GALK1: variants seen among roughly 807,000 people sequenced by gnomAD.
GALK1 encodes galactokinase 1.
In GALK1, 30 loss-of-function variants were observed where a neutral mutation model predicts 38.6. The observed-to-expected ratio is 0.78, with a 90% confidence interval of 0.58 to 1.05. The LOEUF (loss-of-function observed/expected upper bound fraction) is 1.05. GALK1 is among the 50% of genes least tolerant of loss of function. The pLI, the probability that GALK1 is intolerant of heterozygous loss-of-function variation, is 0.00. For synonymous variants in GALK1, 240 were observed against 233.6 expected, an observed-to-expected ratio of 1.03 and a Z score of -0.25; for missense variants, 512 against 540.5, an observed-to-expected ratio of 0.95 and a Z score of 0.52.
rs1342757841 is a variant in GALK1 at position 75,752,578 on chromosome 17, G to A, written c.*23-841C>T. 2 of 1,613,520 alleles carry A rather than the reference G, an allele frequency of 1.2e-6. No individual in the cohort carries two copies. Among genetic ancestry groups the A allele is most frequent in the African/African-American group, 1.3e-5 (1 of 75,062 alleles). ...AGGCCCAGCGTCTCCGATGACACTG[G>A]TGAGTGGAGACCTGGGACCCACAAG... On this transcript the variant is annotated intron_variant, in intron 8 of 8. Coordinates refer to the GALK1 transcript ENST00000225614.
At chr17:75,763,780 G>A in intron 2 of GALK1, 117 bp downstream of exon 2, 1 of 1,051,046 alleles carries the variant, frequency 9.5e-7, no homozygotes, top group Non-Finnish European at 1.4e-6. Context: ...CTGTACAATG[G>A]GATGCTCCAC....
intron 5 of GALK1, 56 bp downstream of exon 5, chr17:75,762,648 A>C: frequency 1.9e-6 from 3 of 1,591,176 alleles, no homozygotes; most frequent in Non-Finnish European, 2.6e-6. Flanking sequence ...GGCCACACTG[A>C]GGCGCCAGCA....
chr17:75,757,631 C>T, downstream of GALK1: 1 of 1,594,430 alleles, frequency 6.3e-7, no homozygotes, highest in Non-Finnish European at 8.6e-7. Context: ...CTCAGCTACT[C>T]CATCCTTGCA....
intron 1 of GALK1, chr17:75,764,334 C>A (rs2061601423): frequency 4.1e-6 from 3 of 738,610 alleles, no homozygotes; most frequent in Non-Finnish European, 7.5e-6. Context: ...AGCTGTGGGG[C>A]AAGGGGGAGA....
downstream of GALK1, among the ~76,000 whole-genome samples, chr17:75,756,156 A>G (rs2061495720): frequency 6.6e-6 from 1 of 152,202 alleles, no homozygotes; most frequent in Non-Finnish European, 1.5e-5. Context: ...TGGGGGAACA[A>G]GGAAGTGGCA....
intron 1 of GALK1, chr17:75,764,589 A>G (rs1177723890): frequency 1.1e-5 from 5 of 451,700 alleles, no homozygotes; most frequent in Non-Finnish European, 2.1e-5. Context: ...GGGCTGGGCC[A>G]GAAGGCTACG....
In GALK1 at chr17:75,765,048, A is replaced by C; in HGVS notation, c.89T>G (p.Leu30Arg). 6.2e-7 allele frequency: 1 copy of C among 1,607,402 alleles called. No individual in the cohort carries two copies. Among genetic ancestry groups the C allele is most frequent in the Non-Finnish European group, 8.5e-7 (1 of 1,177,622 alleles). The change falls in exon 1 of 8, where the codon CTG becomes CGG. Residue 30 changes from leucine to arginine, a missense_variant. Leu to Arg is a moderately radical substitution (Grantham distance 102, BLOSUM62 -2). Transcript: ENST00000588479. ...GACGCGGCCCGGCGCTGACACGGCC[A>C]GCTCGGGCTCGGCCCCGAACTCCTC... ...FREEFGAEPE[L>R]AVSAPGRVNL...
chr17:75,763,293 G>A (rs766494612), intron 3 of GALK1, 27 bp downstream of exon 3: 2 of 1,613,910 alleles, frequency 1.2e-6, no homozygotes, highest in Non-Finnish European at 1.7e-6. Context: ...AAGGAGGGCT[G>A]GGTCAGGGCT....
rs1189643879 is a variant in GALK1, at chr17:75,764,696, G to A, written c.165+276C>T. 3 of 597,280 alleles carry A rather than the reference G, an allele frequency of 5.0e-6. No individual in the cohort carries two copies. In the Admixed American group the frequency reaches 8.4e-5, roughly 17 times the overall value. 37.0% of individuals were successfully genotyped at this position (597,280 alleles called of 1,614,324 possible). ...GGGCCTCACAGTTTAAGGGGAACAT[G>A]CTCCCAGGTTGAAGGCGAGGAGCCC... On this transcript the variant is annotated intron_variant, in intron 1 of 7. Coordinates refer to ENST00000588479, the MANE Select transcript of GALK1 (RefSeq NM_000154.2).
Position 75,758,509 on chromosome 17 carries a change from A to G in GALK1, c.884T>C (p.Leu295Pro). ...IRRTAQAAAA[L>P]RRGDYRAFGR... Reference sequence around the variant, plus strand: ...AAAGGCTCTGTAGTCGCCACGTCTCAGGGCGGCCGCTGCCTGGGCCGTGCG... The same window carrying G: ...AAAGGCTCTGTAGTCGCCACGTCTCGGGGCGGCCGCTGCCTGGGCCGTGCG... Residue 295 changes from leucine to proline, a missense_variant, in exon 6 of 8, where the codon CTG (leucine) becomes CCG (proline). By Grantham distance (98) the Leu-to-Pro change is moderately conservative. Coordinates refer to ENST00000588479, the MANE Select transcript of GALK1 (RefSeq NM_000154.2). 2 of 1,580,442 alleles carry G rather than the reference A, an allele frequency of 1.3e-6. No individual in the cohort carries two copies. The highest frequency in any genetic ancestry group is 1.7e-6 in the Non-Finnish European group (2 of 1,166,780).
intron 1 of GALK1, chr17:75,764,308 C>A: frequency 1.3e-6 from 1 of 752,338 alleles, no homozygotes. Context: ...GGAGCACAGA[C>A]CTGGACTCTG....
Position 75,764,615 on chromosome 17 carries a change from G to T in GALK1, c.165+357C>A, listed in dbSNP as rs1165110204. The T allele has an allele frequency of 6.5e-6, 3 of 464,268 alleles. No homozygotes were observed. The Admixed American group carries it at 9.1e-5, about 14-fold the overall frequency. 28.8% of individuals were successfully genotyped at this position (464,268 alleles called of 1,614,324 possible). ...GAAGGCTACGTTCGCCCAGGTCTGC[G>T]GTTGGGGCCCCACGGTGGCCGGAGG... On this transcript the variant is annotated intron_variant, in intron 1 of 7. Coordinates refer to ENST00000588479, the MANE Select transcript of GALK1 (RefSeq NM_000154.2).
At chr17:75,757,529 A>G (rs1487725912), downstream of GALK1, 2 of 1,613,296 alleles carry the variant, frequency 1.2e-6, no homozygotes, top group African/African-American at 1.3e-5. Flanking sequence ...TAGCACCCAC[A>G]TGGACCAACA....
downstream of GALK1, chr17:75,754,629 C>T (rs2061444655): frequency 3.1e-6 from 5 of 1,613,896 alleles, no homozygotes; most frequent in Non-Finnish European, 4.2e-6. Flanking sequence ...CACCAACTCC[C>T]TGCACAGGAT....
Position 75,762,856 on chromosome 17 carries a change from G to A in GALK1, c.641C>T (p.Ser214Leu), listed in dbSNP as rs369906636. The A allele has an allele frequency of 3.2e-5, 52 of 1,613,444 alleles. No individual in the cohort carries two copies. The highest frequency in any genetic ancestry group is 6.7e-5 in the East Asian group (3 of 44,900). ...GATGAGCACGGCCAGCTTGGGGTCC[G>A]AGAGTGGCACCAGGCTGGTCTCCAA... ...RSLETSLVPL[S>L]DPKLAVLITN... Residue 214 changes from serine (S) to leucine (L), a missense_variant, in exon 5 of 8, where the codon TCG becomes TTG. Coordinates refer to ENST00000588479, the MANE Select transcript of GALK1 (RefSeq NM_000154.2).
Position 75,765,034 on chromosome 17 carries a change from G to A in GALK1, c.103C>T (p.Pro35Ser). The A allele has an allele frequency of 6.2e-7, 1 of 1,609,574 alleles. No homozygotes were observed. The highest frequency in any genetic ancestry group is 8.5e-7 in the Non-Finnish European group (1 of 1,178,446). ...GAEPELAVSA[P>S]GRVNLIGEHT... is the part of the protein sequence containing the mutation. ...TCCCCGATGAGGTTGACGCGGCCCGGCGCTGACACGGCCAGCTCGGGCTCG... is the reference window on the plus strand; with the variant it reads ...TCCCCGATGAGGTTGACGCGGCCCGACGCTGACACGGCCAGCTCGGGCTCG... The change falls in exon 1 of 8, where the codon CCG (proline) becomes TCG (serine). Residue 35 changes from proline (P) to serine (S), a missense_variant. Coordinates refer to ENST00000588479, the MANE Select transcript of GALK1 (RefSeq NM_000154.2).
At position 75,757,963 on chromosome 17, in the gene GALK1, G is replaced by A. The variant is rs931037398; in HGVS notation, c.*93C>T. The stretch of plus-strand genomic sequence containing the variant: ...ACCACATTGGAGGCACAAGTTTATT[G>A]AGCACCCGGATATGGAAGATGGCAC... On this transcript the variant is annotated 3_prime_UTR_variant, in exon 8 of 8. Coordinates refer to ENST00000588479, the MANE Select transcript of GALK1 (RefSeq NM_000154.2). 1.4e-6 allele frequency: 2 copies of A among 1,414,984 alleles called. No individual in the cohort carries two copies. Among genetic ancestry groups the A allele is most frequent in the African/African-American group, 1.4e-5 (1 of 71,080 alleles). 87.7% of individuals were successfully genotyped at this position (1,414,984 alleles called of 1,614,324 possible). A position where few individuals can be genotyped will look rare whatever the true frequency, so the allele number is the denominator to read the frequency against.
At chr17:75,762,961 A>G in intron 4 of GALK1, 53 bp downstream of exon 4, 1 of 1,595,104 alleles carries the variant, frequency 6.3e-7, no homozygotes, top group Non-Finnish European at 8.6e-7. Context: ...GCACACTCCC[A>G]CCCAGGAGCT....
chr17:75,755,145 C>T, downstream of GALK1: 1 of 1,611,886 alleles, frequency 6.2e-7, no homozygotes, highest in Non-Finnish European at 8.5e-7. Flanking sequence ...AAAGGGTTCC[C>T]CCCTTCCAGG....
Sources: allele counts gnomAD v4.1 joint callset (sites outside exome capture counted in the v4.1 genomes callset), GRCh38; gene constraint gnomAD v4.1.1; transcripts MANE v1.5; gene names NCBI Gene and HGNC (gene_info 2026-07-23, HGNC 2026-07-21).